Variants in GDPD1 observed in about 807,000 individuals in gnomAD.
GDPD1 encodes the protein glycerophosphodiester phosphodiesterase domain containing 1, also known as lysophospholipase D GDPD1.
A neutral mutation model predicts 45.1 loss-of-function variants in GDPD1; 28 were observed. The observed-to-expected ratio is 0.62, with a 90% CI of 0.46 to 0.85. GDPD1 has a LOEUF of 0.85. Ranked by LOEUF, GDPD1 falls within the 40% of genes least tolerant of loss-of-function variation. GDPD1 has a pLI of 0.00. For synonymous variants in GDPD1, 139 were observed against 131.4 expected (o/e 1.06, Z -0.40); for missense variants, 256 against 364.8 (o/e 0.70, Z 2.43).
At chr17:59,255,839 A>G (rs1306887124) in intron 4 of GDPD1, among the ~76,000 whole-genome samples, 3 of 92,226 alleles carry the variant, frequency 3.3e-5, no homozygotes, top group Admixed American at 1.1e-4. Context: ...GCGTATATAT[A>G]TATATATATA....
At chr17:59,238,725 A>T (rs1482277347) in intron 2 of GDPD1, among the ~76,000 whole-genome samples, 1 of 152,098 alleles carries the variant, frequency 6.6e-6, no homozygotes, top group Non-Finnish European at 1.5e-5. Flanking sequence ...GTGTTATTTC[A>T]TTAGGAGCAG....
intron 1 of GDPD1, among the ~76,000 whole-genome samples, chr17:59,224,633 A>AC (rs368094386): frequency 6.7e-6 from 1 of 148,618 alleles, no homozygotes; most frequent in East Asian, 1.9e-4. Flanking sequence ...TCAAAAAAAA[A>AC]AAAAAACAAA....
chr17:59,273,809 G>T lies in GDPD1; in HGVS notation c.*36G>T, dbSNP rs1398154415. On this transcript the variant is annotated 3_prime_UTR_variant, in exon 10 of 10. Coordinates refer to ENST00000284116, the MANE Select transcript of GDPD1 (RefSeq NM_182569.4). The stretch of plus-strand genomic sequence containing the variant: ...ACTTAGAAGTATTGAAGGAAAAAAT[G>T]AAGACCTAAGAAAAAAATATTTCAT... 1.3e-6 allele frequency: 2 copies of T among 1,508,998 alleles called. No homozygotes were observed. Among genetic ancestry groups the T allele is most frequent in the Non-Finnish European group, 1.8e-6 (2 of 1,130,460 alleles). 93.5% of individuals were successfully genotyped at this position (1,508,998 alleles called of 1,614,324 possible).
chr17:59,260,913 C>T (rs551407238), intron 6 of GDPD1: 1 of 152,200 alleles, frequency 6.6e-6, no homozygotes, highest in Non-Finnish European at 1.5e-5. Context: ...AAGGCAAAAA[C>T]ATGCACAGTC....
chr17:59,263,015 C>T (rs544892557), intron 6 of GDPD1, among the ~76,000 whole-genome samples: 1 of 152,000 alleles, frequency 6.6e-6, no homozygotes, highest in Non-Finnish European at 1.5e-5. Flanking sequence ...CAAATGAATG[C>T]GGTGTTTAAA....
intron 3 of GDPD1, among the ~76,000 whole-genome samples, chr17:59,246,054 A>T (rs568624610): frequency 6.6e-6 from 1 of 151,938 alleles, no homozygotes; most frequent in East Asian, 1.9e-4. Context: ...TGGGAGGTGG[A>T]GGTTGCAGTG....
intron 8 of GDPD1, among the ~76,000 whole-genome samples, chr17:59,272,112 A>T (rs990940071): frequency 1.3e-5 from 2 of 151,992 alleles, no homozygotes; most frequent in Non-Finnish European, 2.9e-5. Flanking sequence ...AACTGACAAG[A>T]TGCATTGTTA....
At chr17:59,231,324 C>CTTTTTTT (rs557850341) in intron 1 of GDPD1, among the ~76,000 whole-genome samples, 9 of 114,416 alleles carry the variant, frequency 7.9e-5, no homozygotes, top group African/African-American at 1.4e-4. Context: ...TTCTTTCTTT[C>CTTTTTTT]TTTTTTTTTT....
At chr17:59,222,699 G>A (rs1198287858) in intron 1 of GDPD1, among the ~76,000 whole-genome samples, 1 of 151,450 alleles carries the variant, frequency 6.6e-6, no homozygotes, top group Non-Finnish European at 1.5e-5. Flanking sequence ...ATTTTTAGTG[G>A]AGACGAGGTT....
intron 6 of GDPD1, chr17:59,260,644 A>C (rs2047348824): frequency 6.6e-6 from 1 of 152,216 alleles, no homozygotes; most frequent in South Asian, 2.1e-4. Context: ...TTGAAATTTA[A>C]GATGTTAAAA....
chr17:59,227,312 G>A (rs777126265), intron 1 of GDPD1, among the ~76,000 whole-genome samples: 4 of 151,884 alleles, frequency 2.6e-5, no homozygotes, highest in Admixed American at 1.3e-4. Flanking sequence ...CTAGCTACTC[G>A]GGAGGCTGAG....
rs915718135 is a variant in GDPD1, at chr17:59,274,064, G to T, written c.*291G>T. The T allele has an allele frequency of 2.6e-6, 2 of 757,456 alleles. No individual in the cohort carries two copies. The highest frequency in any genetic ancestry group is 3.2e-6 in the Non-Finnish European group (2 of 622,644). 46.9% of individuals were successfully genotyped at this position (757,456 alleles called of 1,614,324 possible). ...TTTCTAGATCTTATACAGAAATCTT[G>T]ATTAATAACATACACAGAAATGTAC... On this transcript the variant is annotated 3_prime_UTR_variant, in exon 10 of 10. Coordinates refer to ENST00000284116, the MANE Select transcript of GDPD1 (RefSeq NM_182569.4).
At chr17:59,255,499 T>C (rs1005568420) in intron 4 of GDPD1, among the ~76,000 whole-genome samples, 3 of 150,534 alleles carry the variant, frequency 2.0e-5, no homozygotes, top group Non-Finnish European at 4.4e-5. Context: ...CCCAGCACTT[T>C]GGGAGGCCAA....
At chr17:59,241,154 A>G (rs1379173005) in intron 2 of GDPD1, among the ~76,000 whole-genome samples, 2 of 152,218 alleles carry the variant, frequency 1.3e-5, no homozygotes, top group Non-Finnish European at 2.9e-5. Context: ...TGTCCGCACA[A>G]TGACAAAATT....
intron 2 of GDPD1, among the ~76,000 whole-genome samples, chr17:59,234,851 A>G (rs9895821): frequency 5.0e-4 from 76 of 152,280 alleles, no homozygotes; most frequent in African/African-American, 1.8e-3. Context: ...GAAAGAGAAA[A>G]TGAAACAACT....
chr17:59,255,878 C>CATATATATATATAT (rs2047305012), intron 4 of GDPD1, among the ~76,000 whole-genome samples: 1 of 125,466 alleles, frequency 8.0e-6, no homozygotes, highest in African/African-American at 3.6e-5. Flanking sequence ...TATATATACA[C>CATATATATATATAT]ACACACACAC....
At chr17:59,272,916 C>G in intron 9 of GDPD1, 80 bp downstream of exon 9, 10 of 1,611,390 alleles carry the variant, frequency 6.2e-6, no homozygotes, top group Non-Finnish European at 8.5e-6. Flanking sequence ...GAACTTTTAA[C>G]TGACTTAGTT....
chr17:59,227,472 T>C (rs1046803547), intron 1 of GDPD1, among the ~76,000 whole-genome samples: 3 of 152,092 alleles, frequency 2.0e-5, no homozygotes, highest in African/African-American at 7.2e-5. Flanking sequence ...TAGTTAACTC[T>C]TTTTACATAG....
intron 1 of GDPD1, among the ~76,000 whole-genome samples, chr17:59,233,622 G>A (rs1318447043): frequency 6.6e-6 from 1 of 151,814 alleles, no homozygotes; most frequent in African/African-American, 2.4e-5. Context: ...TAGGTATTCT[G>A]GTGATGCTAC....
Sources: gnomAD v4.1 joint callset for allele counts (sites outside exome capture counted in the v4.1 genomes callset) on GRCh38, gnomAD v4.1.1 for gene constraint, MANE v1.5 for transcripts, NCBI Gene and HGNC (gene_info 2026-07-23, HGNC 2026-07-21) for gene names.